The following EDA variants were observed in gnomAD, a reference collection of about 807,000 sequenced individuals.
EDA encodes the protein ectodysplasin A.
A neutral mutation model predicts 23.6 loss-of-function variants in EDA; 2 were observed. The ratio of observed to expected loss-of-function variants is 0.08; its 90% confidence interval spans 0.03 to 0.27. EDA has a LOEUF of 0.27. Among genes scored for constraint, EDA ranks in the 10% least tolerant of loss-of-function variants. The probability of loss-of-function intolerance (pLI) is 1.00; values close to 1 mark genes in which losing one functional copy is unlikely to be tolerated. For synonymous variants in EDA, 131 were observed against 132.0 expected (o/e 0.99, Z 0.05); for missense variants, 229 against 324.2 (o/e 0.71, Z 2.26).
intron 1 of EDA, among the ~76,000 whole-genome samples, chrX:69,951,588 T>C (rs1214494462): frequency 8.9e-6 from 1 of 111,797 alleles, no homozygotes; most frequent in Non-Finnish European, 1.9e-5. Context: ...CTATGAATTA[T>C]CTAGTAAAAT....
At chrX:69,789,550 T>C (rs2147468388) in intron 1 of EDA, among the ~76,000 whole-genome samples, 1 of 112,122 alleles carries the variant, frequency 8.9e-6, no homozygotes, top group South Asian at 3.8e-4. Flanking sequence ...AAAACCTTTG[T>C]CAAAGCAATT....
intron 1 of EDA, among the ~76,000 whole-genome samples, chrX:69,684,740 C>T (rs780417705): frequency 1.8e-5 from 2 of 112,368 alleles, no homozygotes; most frequent in East Asian, 2.8e-4. Context: ...ACAGGAAATA[C>T]GATTATAAAA....
intron 1 of EDA, among the ~76,000 whole-genome samples, chrX:69,719,298 A>C (rs906283559): frequency 1.8e-5 from 2 of 108,282 alleles, no homozygotes; most frequent in Non-Finnish European, 3.8e-5. Context: ...TTATTTAAAA[A>C]TGTTTTCCTC....
intron 1 of EDA, among the ~76,000 whole-genome samples, chrX:69,764,807 A>C: frequency 9.0e-6 from 1 of 111,453 alleles, no homozygotes. Flanking sequence ...TTTAAGTAAT[A>C]ATATTCTCTG....
intron 2 of EDA, among the ~76,000 whole-genome samples, chrX:70,012,562 T>C (rs1207292020): frequency 8.9e-6 from 1 of 112,719 alleles, no homozygotes; most frequent in African/African-American, 3.2e-5. Flanking sequence ...TGAAATGATG[T>C]ACTTATTAGC....
At chrX:69,951,669 A>G (rs192838425) in intron 1 of EDA, among the ~76,000 whole-genome samples, 36 of 111,848 alleles carry the variant, frequency 3.2e-4, no homozygotes, top group African/African-American at 1.1e-3. Context: ...AAAGTACCAA[A>G]TAATTTTGTG....
chrX:69,626,839 A>G (rs1228371459), intron 1 of EDA, among the ~76,000 whole-genome samples: 1 of 112,229 alleles, frequency 8.9e-6, no homozygotes, highest in Non-Finnish European at 1.9e-5. Context: ...GATGAATTCT[A>G]CAGTATGTGA....
At chrX:69,826,193 G>C (rs1480227526) in intron 1 of EDA, among the ~76,000 whole-genome samples, 3 of 111,752 alleles carry the variant, frequency 2.7e-5, no homozygotes, top group Non-Finnish European at 5.6e-5. Flanking sequence ...GGGGTGGAGA[G>C]TTCTGTAGAT....
At chrX:69,882,828 G>A (rs1241694749) in intron 1 of EDA, among the ~76,000 whole-genome samples, 2 of 110,727 alleles carry the variant, frequency 1.8e-5, no homozygotes, top group Admixed American at 9.6e-5. Flanking sequence ...TCAGCCTCCC[G>A]AGTAGCTGGG....
Position 69,625,760 on chromosome X carries a change from G to A in EDA, c.396+9056G>A, listed in dbSNP as rs1449267826. ...AAACATAGAAAATCCTTAAGATCTT[G>A]CAGAGCAAAGATTTATTAGATATGA... On this transcript the variant is annotated intron_variant, in intron 1 of 7. Transcript: ENST00000374552. Among the ~76,000 whole-genome samples, 3 of 109,442 alleles carry A rather than the reference G, an allele frequency of 2.7e-5. No homozygotes were observed. The East Asian group carries it at 8.5e-4, about 31-fold the overall frequency.
intron 1 of EDA, among the ~76,000 whole-genome samples, chrX:69,723,663 CT>C (rs1461664889): frequency 5.4e-5 from 6 of 111,583 alleles, no homozygotes; most frequent in Non-Finnish European, 9.4e-5. Flanking sequence ...TCTTTTTAAT[CT>C]TGGTAAATTC....
At chrX:69,788,434 T>C (rs1286878705) in intron 1 of EDA, among the ~76,000 whole-genome samples, 1 of 112,058 alleles carries the variant, frequency 8.9e-6, no homozygotes, top group African/African-American at 3.2e-5. Context: ...TATCTACTTT[T>C]GGTCTTTGAT....
At chrX:69,955,458 G>A (rs962025038) in intron 1 of EDA, among the ~76,000 whole-genome samples, 1 of 111,535 alleles carries the variant, frequency 9.0e-6, no homozygotes. Flanking sequence ...AAGGATATTG[G>A]GTAAATCACA....
intron 1 of EDA, among the ~76,000 whole-genome samples, chrX:69,701,991 G>A (rs972638744): frequency 5.4e-5 from 6 of 111,140 alleles, no homozygotes. Flanking sequence ...CTGGGGTGAG[G>A]GTGGAAGAGA....
At chrX:69,798,362 A>G (rs751296098) in intron 1 of EDA, among the ~76,000 whole-genome samples, 1 of 112,045 alleles carries the variant, frequency 8.9e-6, no homozygotes, top group Non-Finnish European at 1.9e-5. Context: ...TACAGACTAT[A>G]CATTCTTCTC....
intron 1 of EDA, among the ~76,000 whole-genome samples, chrX:69,722,893 G>T (rs2012643217): frequency 1.8e-5 from 2 of 112,112 alleles, no homozygotes; most frequent in Admixed American, 1.9e-4. Context: ...AGGATTAAAT[G>T]AAATAATATA....
chrX:69,619,952 G>A (rs2147203212), intron 1 of EDA, among the ~76,000 whole-genome samples: 1 of 111,554 alleles, frequency 9.0e-6, no homozygotes, highest in African/African-American at 3.3e-5. Context: ...GGAAATTCTG[G>A]TGGCTGCTCC....
At chrX:69,965,888 AT>A (rs1248951470) in intron 2 of EDA, among the ~76,000 whole-genome samples, 1 of 111,150 alleles carries the variant, frequency 9.0e-6, no homozygotes, top group East Asian at 2.8e-4. Context: ...CTCTACAAAA[AT>A]TTTTTTTATT....
chrX:69,641,865 G>A (rs774184035), intron 1 of EDA, among the ~76,000 whole-genome samples: 1 of 111,951 alleles, frequency 8.9e-6, no homozygotes, highest in Non-Finnish European at 1.9e-5. Flanking sequence ...TGTTCTCACA[G>A]TAGCTTTGTG....
Sources: gnomAD v4.1 joint callset for allele counts (sites outside exome capture counted in the v4.1 genomes callset) on GRCh38, gnomAD v4.1.1 for gene constraint, MANE v1.5 for transcripts, NCBI Gene and HGNC (gene_info 2026-07-23, HGNC 2026-07-21) for gene names.